TINAG: variants seen among roughly 807,000 people sequenced by gnomAD.
TINAG encodes the protein tubulointerstitial nephritis antigen.
Under a neutral mutation model 72.7 loss-of-function variants are expected in TINAG, and 83 were observed. The observed-to-expected ratio is 1.14, with a 90% CI of 0.96 to 1.37. The LOEUF (loss-of-function observed/expected upper bound fraction) is 1.37, where lower values mean the gene tolerates loss of function less well. Ranked by LOEUF, TINAG falls within the 40% of genes most tolerant of loss-of-function variation. TINAG has a pLI of 0.00. For missense variants in TINAG, 685 were observed against 576.6 expected, an observed-to-expected ratio of 1.19 and a Z score of -1.93; for synonymous variants, 234 against 189.9, an observed-to-expected ratio of 1.23 and a Z score of -1.91.
In TINAG at chr6:54,311,385, T is replaced by G. The variant is rs185646988; in HGVS notation, c.355+2480T>G. ...CATGATGGACAGCCTCATGCATGCC[T>G]TCTTACTGACTTGCATGATATGGCA... On this transcript the variant is annotated intron_variant, in intron 1 of 10. Transcript: ENST00000259782. Among the ~76,000 whole-genome samples, 46 of 152,286 alleles carry G rather than the reference T, an allele frequency of 3.0e-4. No homozygotes were observed. In the East Asian group the frequency reaches 8.1e-3, roughly 27 times the overall value.
chr6:54,369,675 A>C (rs1763546178), intron 9 of TINAG, among the ~76,000 whole-genome samples: 1 of 151,954 alleles, frequency 6.6e-6, no homozygotes, highest in Non-Finnish European at 1.5e-5. Flanking sequence ...CAGAGTTAGC[A>C]ACAACTGTTA....
intron 9 of TINAG, among the ~76,000 whole-genome samples, chr6:54,370,585 C>T (rs1254465056): frequency 6.6e-6 from 1 of 151,942 alleles, no homozygotes; most frequent in Non-Finnish European, 1.5e-5. Context: ...AGATGAATAA[C>T]ATGGAGAGCC....
chr6:54,336,130 T>C (rs1416434099), intron 4 of TINAG, among the ~76,000 whole-genome samples: 2 of 152,086 alleles, frequency 1.3e-5, no homozygotes, highest in Non-Finnish European at 2.9e-5. Context: ...TACCTCAGTC[T>C]CCTTCTGCAC....
rs768043507 is a variant in TINAG, at chr6:54,308,591, C to G, written c.41C>G (p.Thr14Ser). 1 of 1,613,122 alleles carries G rather than the reference C, an allele frequency of 6.2e-7. No individual in the cohort carries two copies. The highest frequency in any genetic ancestry group is 1.1e-5 in the South Asian group (1 of 91,034). ...GYKILIFSYLTTEIWMEKQYL... is the reference protein window; with the variant it reads ...GYKILIFSYLSTEIWMEKQYL... ...AAGATCTTAATCTTCTCTTATCTTACTACAGAAATCTGGATGGAGAAGCAG... is the reference window on the plus strand; with the variant it reads ...AAGATCTTAATCTTCTCTTATCTTAGTACAGAAATCTGGATGGAGAAGCAG... The change falls in exon 1 of 11, where the codon ACT (threonine) becomes AGT (serine). Residue 14 changes from threonine to serine, a missense_variant. Physicochemically the swap from Thr to Ser is moderately conservative, Grantham distance 58. Transcript: ENST00000259782.
In TINAG at chr6:54,389,884, A is replaced by G. The variant is rs1375351241; in HGVS notation, c.1390A>G (p.Ile464Val). ...TGAGTCCGACATTGAAAAGTTGATTATCGCAGCTTGGGGCCAACTGACGAG... is the reference window on the plus strand; with the variant it reads ...TGAGTCCGACATTGAAAAGTTGATTGTCGCAGCTTGGGGCCAACTGACGAG... ...VNESDIEKLI[I>V]AAWGQLTSSD... is the part of the protein sequence containing the mutation. The change falls in exon 11 of 11, where the codon ATC becomes GTC. Residue 464 changes from isoleucine (I) to valine (V), a missense_variant. Ile to Val is a conservative substitution (Grantham distance 29). Transcript: ENST00000259782. 1.9e-6 allele frequency: 3 copies of G among 1,611,272 alleles called. No individual in the cohort carries two copies. Among genetic ancestry groups the G allele is most frequent in the Admixed American group, 3.4e-5 (2 of 59,550 alleles).
At chr6:54,326,164 G>T (rs1784597613) in intron 3 of TINAG, among the ~76,000 whole-genome samples, 1 of 150,964 alleles carries the variant, frequency 6.6e-6, no homozygotes, top group South Asian at 2.1e-4. Context: ...TCTAATTAAG[G>T]GCACAAAATA....
chr6:54,360,030 A>C (rs776016312), intron 9 of TINAG, among the ~76,000 whole-genome samples: 3 of 151,812 alleles, frequency 2.0e-5, no homozygotes, highest in Non-Finnish European at 4.4e-5. Context: ...TTGATCTTCT[A>C]TCAAGTGCCC....
At chr6:54,371,922 G>A (rs564598714) in intron 9 of TINAG, among the ~76,000 whole-genome samples, 43 of 148,948 alleles carry the variant, frequency 2.9e-4, no homozygotes, top group Admixed American at 5.3e-4. Flanking sequence ...TGGGAGCAAT[G>A]GATTATACAA....
At chr6:54,330,081 G>C (rs1784701481) in intron 4 of TINAG, among the ~76,000 whole-genome samples, 1 of 151,886 alleles carries the variant, frequency 6.6e-6, no homozygotes. Flanking sequence ...AAATTAACAA[G>C]GAGATTCAGG....
At chr6:54,322,461 C>T (rs769368716) in intron 3 of TINAG, among the ~76,000 whole-genome samples, 1 of 152,078 alleles carries the variant, frequency 6.6e-6, no homozygotes, top group Non-Finnish European at 1.5e-5. Context: ...GAACGAATCT[C>T]GATATACCCT....
At position 54,364,768 on chromosome 6, in the gene TINAG, ATATC is replaced by A. The variant is rs531839524; in HGVS notation, c.1250+10153_1250+10156del. Among the ~76,000 whole-genome samples, 1,482 of 151,308 alleles carry A rather than the reference ATATC, an allele frequency of 9.8e-3. 22 individuals carry two copies. The highest frequency in any genetic ancestry group is 0.031 in the African/African-American group (1,290 of 41,402). On this transcript the variant is annotated intron_variant, in intron 9 of 10. Transcript: ENST00000259782. The stretch of plus-strand genomic sequence containing the variant: ...GTAGTCATAAACCATTGATATCTCT[ATATC>A]TATCTATCTATCTATCTATCATCTG...
chr6:54,369,454 A>G (rs984796909), intron 9 of TINAG, among the ~76,000 whole-genome samples: 4 of 151,950 alleles, frequency 2.6e-5, no homozygotes, highest in African/African-American at 9.6e-5. Flanking sequence ...GATAATCTCT[A>G]TATGTATACT....
intron 9 of TINAG, among the ~76,000 whole-genome samples, chr6:54,377,938 A>G (rs892540688): frequency 3.9e-5 from 6 of 152,136 alleles, no homozygotes; most frequent in African/African-American, 1.4e-4. Flanking sequence ...ATTTGCTATA[A>G]TATCATCGGG....
At chr6:54,310,804 CTCTT>C (rs1456854908) in intron 1 of TINAG, among the ~76,000 whole-genome samples, 1 of 143,804 alleles carries the variant, frequency 7.0e-6, no homozygotes, top group South Asian at 2.2e-4. Context: ...TTTTCTCTCT[CTCTT>C]TCTCTCCCTC....
chr6:54,339,023 CA>C (rs1284713492), intron 4 of TINAG, among the ~76,000 whole-genome samples: 1 of 152,168 alleles, frequency 6.6e-6, no homozygotes, highest in East Asian at 1.9e-4. Flanking sequence ...GGAAATATCA[CA>C]GTTCATCCAT....
At chr6:54,383,144 G>A (rs1763999286) in intron 10 of TINAG, among the ~76,000 whole-genome samples, 4 of 152,114 alleles carry the variant, frequency 2.6e-5, no homozygotes, top group African/African-American at 9.7e-5. Context: ...CATTAAACTA[G>A]ATGAATGGCT....
intron 4 of TINAG, among the ~76,000 whole-genome samples, chr6:54,337,165 C>T (rs906406705): frequency 4.6e-5 from 7 of 150,858 alleles, no homozygotes; most frequent in African/African-American, 1.7e-4. Context: ...CAATGACAGC[C>T]AAGTACTGAG....
chr6:54,350,667 C>A (rs531947568), intron 7 of TINAG, among the ~76,000 whole-genome samples: 1 of 147,364 alleles, frequency 6.8e-6, no homozygotes, highest in East Asian at 2.0e-4. Context: ...GAATGCCAAG[C>A]AAATGTCAAG....
intron 9 of TINAG, among the ~76,000 whole-genome samples, chr6:54,378,795 C>G (rs1763859883): frequency 1.3e-5 from 2 of 152,064 alleles, no homozygotes; most frequent in Non-Finnish European, 2.9e-5. Flanking sequence ...AAAGATCTTA[C>G]AAAGTGGGAA....
Sources: allele counts gnomAD v4.1 joint callset (sites outside exome capture counted in the v4.1 genomes callset), GRCh38; gene constraint gnomAD v4.1.1; transcripts MANE v1.5; gene names NCBI Gene and HGNC (gene_info 2026-07-23, HGNC 2026-07-21).